SUSD6: variants seen among roughly 807,000 people sequenced by gnomAD.
SUSD6 encodes the protein sushi domain containing 6, also known as sushi domain-containing protein 6.
Under a neutral mutation model 28.4 loss-of-function variants are expected in SUSD6, and 16 were observed. The ratio of observed to expected loss-of-function variants is 0.56; its 90% CI spans 0.38 to 0.86. The LOEUF is 0.86. Among genes scored for constraint, SUSD6 ranks in the 40% least tolerant of loss-of-function variants. SUSD6 has a pLI of 0.00. For synonymous variants in SUSD6, 147 were observed against 159.6 expected, an observed-to-expected ratio of 0.92 and a Z score of 0.59; for missense variants, 341 against 384.2, an observed-to-expected ratio of 0.89 and a Z score of 0.94.
At chr14:69,653,283 G>A (rs73281534) in intron 1 of SUSD6, among the ~76,000 whole-genome samples, 2,622 of 152,260 alleles carry the variant, frequency 0.017, 81 homozygotes, top group African/African-American at 0.06. Flanking sequence ...CAGGTGTTGG[G>A]GCAGCAGCAC....
intron 4 of SUSD6, among the ~76,000 whole-genome samples, chr14:69,705,069 A>C (rs578099853): frequency 6.6e-6 from 1 of 152,246 alleles, no homozygotes; most frequent in African/African-American, 2.4e-5. Flanking sequence ...TAATCTCAGC[A>C]CTTAGGGAGG....
In SUSD6 at chr14:69,709,004, C is replaced by A. The variant is rs139175190; in HGVS notation, c.786C>A (p.Ala262=). The change falls in exon 5 of 6, where the codon GCC becomes GCA. Residue 262 remains alanine (A), a synonymous_variant. Transcript: ENST00000342745. ...AGGCAACCACCTCTTCCTGGGTGGC[C>A]GGCTCAGGGAACCGCCAACTGGCAC... is the stretch of plus-strand genomic sequence containing the variant. ...VHQATTSSWV[A]GSGNRQLAHK... is the part of the protein sequence containing the mutation. 6.2e-7 allele frequency: 1 copy of A among 1,614,030 alleles called. No homozygotes were observed. The highest frequency in any genetic ancestry group is 1.7e-5 in the Admixed American group (1 of 60,012).
chr14:69,622,151 G>GTT (rs148674063), intron 1 of SUSD6, among the ~76,000 whole-genome samples: 1 of 152,034 alleles, frequency 6.6e-6, no homozygotes, highest in African/African-American at 2.4e-5. Flanking sequence ...GTTCTCCAGT[G>GTT]TTTTTTTGGC....
Position 69,708,934 on chromosome 14 carries a change from G to A in SUSD6, c.716G>A (p.Cys239Tyr). 1 of 1,614,194 alleles carries A rather than the reference G, an allele frequency of 6.2e-7. No individual in the cohort carries two copies. The highest frequency in any genetic ancestry group is 1.1e-5 in the South Asian group (1 of 91,088). ...GAGGCCCCAGGCCAGTCTGGACTAT[G>A]TGAAGCCTGGGGCTCTCGGGCCTCA... Reference protein sequence around the residue: ...EDEAPGQSGLCEAWGSRASET... With the variant: ...EDEAPGQSGLYEAWGSRASET... Residue 239 changes from cysteine to tyrosine, a missense_variant, in exon 5 of 6, where the codon TGT becomes TAT. Coordinates refer to ENST00000342745, the MANE Select transcript of SUSD6 (RefSeq NM_014734.4).
At chr14:69,709,656 A>G (rs1161227315) in intron 5 of SUSD6, among the ~76,000 whole-genome samples, 1 of 152,222 alleles carries the variant, frequency 6.6e-6, no homozygotes, top group Non-Finnish European at 1.5e-5. Flanking sequence ...AAGGTAAGTC[A>G]CTTGGCCCAC....
chr14:69,677,871 A>G (rs1885937557), intron 2 of SUSD6, among the ~76,000 whole-genome samples: 1 of 152,248 alleles, frequency 6.6e-6, no homozygotes. Flanking sequence ...GGCGAAAAGA[A>G]TTAACACTTA....
chr14:69,647,923 T>G (rs1885451540), intron 1 of SUSD6, among the ~76,000 whole-genome samples: 1 of 151,948 alleles, frequency 6.6e-6, no homozygotes, highest in African/African-American at 2.4e-5. Context: ...AGGCAGAGGT[T>G]GCCGTGAGCC....
intron 1 of SUSD6, among the ~76,000 whole-genome samples, chr14:69,648,961 A>G (rs1186443024): frequency 1.3e-5 from 2 of 152,124 alleles, no homozygotes; most frequent in Non-Finnish European, 2.9e-5. Context: ...AGCACTGTGC[A>G]TGCAAAACAC....
intron 2 of SUSD6, among the ~76,000 whole-genome samples, chr14:69,674,915 G>T (rs1885885272): frequency 6.6e-6 from 1 of 152,176 alleles, no homozygotes; most frequent in Non-Finnish European, 1.5e-5. Context: ...AAACAGGGAA[G>T]ATTAAAGTTG....
intron 2 of SUSD6, among the ~76,000 whole-genome samples, chr14:69,697,235 A>G (rs1288648736): frequency 6.6e-6 from 1 of 152,120 alleles, no homozygotes; most frequent in African/African-American, 2.4e-5. Flanking sequence ...TTTCGTCACC[A>G]TCTTGGTTTT....
chr14:69,654,984 G>A (rs1004337359), intron 1 of SUSD6, among the ~76,000 whole-genome samples: 5 of 151,840 alleles, frequency 3.3e-5, no homozygotes, highest in African/African-American at 1.2e-4. Context: ...TAGTAGAGAC[G>A]GGGTTTCACC....
At chr14:69,700,882 C>T (rs901680006) in intron 2 of SUSD6, among the ~76,000 whole-genome samples, 1 of 152,104 alleles carries the variant, frequency 6.6e-6, no homozygotes, top group Admixed American at 6.5e-5. Context: ...TCCCATGAGT[C>T]TGTTTTTTTT....
At chr14:69,622,953 A>G (rs1190875841) in intron 1 of SUSD6, among the ~76,000 whole-genome samples, 3 of 152,214 alleles carry the variant, frequency 2.0e-5, no homozygotes, top group Non-Finnish European at 1.5e-5. Context: ...CATTTTACAA[A>G]TGGGAAAGAT....
In SUSD6 at chr14:69,704,582, T is replaced by G. The variant is rs757942387; in HGVS notation, c.320-22T>G. 2.5e-6 allele frequency: 4 copies of G among 1,604,598 alleles called. No individual in the cohort carries two copies. The South Asian group carries it at 4.4e-5, about 18-fold the overall frequency. On this transcript the variant is annotated intron_variant, in intron 3 of 5. Coordinates refer to ENST00000342745, the MANE Select transcript of SUSD6 (RefSeq NM_014734.4). The stretch of plus-strand genomic sequence containing the variant: ...TGTGTATTTGGGTACAAAACCCTTC[T>G]GATGATGGCTTGTTTTTATAGATAA...
chr14:69,616,237 A>G (rs1251222166), intron 1 of SUSD6, among the ~76,000 whole-genome samples: 3 of 152,230 alleles, frequency 2.0e-5, no homozygotes, highest in Non-Finnish European at 2.9e-5. Flanking sequence ...AAGGGACACA[A>G]ATAGAGATCT....
chr14:69,617,947 C>A (rs1268010215), intron 1 of SUSD6, among the ~76,000 whole-genome samples: 3 of 152,098 alleles, frequency 2.0e-5, no homozygotes, highest in African/African-American at 7.2e-5. Flanking sequence ...TCCAGGTGGA[C>A]CTCAGGTGTA....
chr14:69,669,253 G>C (rs142568674), intron 2 of SUSD6, among the ~76,000 whole-genome samples: 1 of 151,682 alleles, frequency 6.6e-6, no homozygotes. Context: ...TAATAGAGAC[G>C]GAGTTTCACC....
At chr14:69,704,567 G>A in intron 3 of SUSD6, 37 bp from the exon 4 acceptor site, 1 of 1,587,800 alleles carries the variant, frequency 6.3e-7, no homozygotes, top group East Asian at 2.2e-5. Flanking sequence ...TGTGTATTTG[G>A]GTACAAAACC....
At chr14:69,631,607 C>T in intron 1 of SUSD6, among the ~76,000 whole-genome samples, 1 of 151,044 alleles carries the variant, frequency 6.6e-6, no homozygotes, top group East Asian at 1.9e-4. Flanking sequence ...TGCGCAGTGA[C>T]TAAGCACTCA....
Sources: allele counts gnomAD v4.1 joint callset (sites outside exome capture counted in the v4.1 genomes callset), GRCh38; gene constraint gnomAD v4.1.1; transcripts MANE v1.5; gene names NCBI Gene and HGNC (gene_info 2026-07-23, HGNC 2026-07-21).